ZNF407: variants seen among roughly 807,000 people sequenced by gnomAD.
The protein encoded by ZNF407 is zinc finger protein 407.
ZNF407 carries 17 observed loss-of-function variants against 131.2 expected under a neutral mutation model. The observed-to-expected ratio is 0.13, with a 90% CI of 0.09 to 0.19. The LOEUF (loss-of-function observed/expected upper bound fraction) is 0.19. Ranked by LOEUF, ZNF407 falls within the 10% of genes least tolerant of loss-of-function variation. ZNF407 has a pLI of 1.00. For synonymous variants in ZNF407, 1,156 were observed against 1,062.0 expected, an observed-to-expected ratio of 1.09 and a Z score of -1.72; for missense variants, 2,681 against 2,830.6, an observed-to-expected ratio of 0.95 and a Z score of 1.20.
At position 74,705,238 on chromosome 18, in the gene ZNF407, C is replaced by T. The variant is rs543147938; in HGVS notation, c.4802+64116C>T. Among the ~76,000 whole-genome samples the T allele has an allele frequency of 5.3e-5, 8 of 151,360 alleles. No individual in the cohort carries two copies. The East Asian group carries it at 1.6e-3, about 29-fold the overall frequency. On this transcript the variant is annotated intron_variant, in intron 3 of 8. Transcript: ENST00000299687. Reference sequence around the variant, plus strand: ...AAGGTAGGTAGATTTCACTTTTTGTCTGCTTCTACTTGTTGAGGTGACTGA... The same window carrying T: ...AAGGTAGGTAGATTTCACTTTTTGTTTGCTTCTACTTGTTGAGGTGACTGA...
chr18:74,807,043 A>G (rs1970120433), intron 4 of ZNF407, among the ~76,000 whole-genome samples: 1 of 152,240 alleles, frequency 6.6e-6, no homozygotes, highest in Admixed American at 6.5e-5. Context: ...TTCAGAAAGC[A>G]GTAGATGCCA....
chr18:75,020,097 C>T (rs1353710416), intron 8 of ZNF407, among the ~76,000 whole-genome samples: 1 of 152,152 alleles, frequency 6.6e-6, no homozygotes, highest in Non-Finnish European at 1.5e-5. Flanking sequence ...ACTTATTTTA[C>T]TTCGTAATAG....
chr18:74,698,391 G>T (rs1942022002), intron 3 of ZNF407, among the ~76,000 whole-genome samples: 1 of 152,160 alleles, frequency 6.6e-6, no homozygotes, highest in African/African-American at 2.4e-5. Flanking sequence ...CTCACCTGAT[G>T]GTTCATACCG....
At chr18:74,672,967 T>C (rs1986211372) in intron 3 of ZNF407, among the ~76,000 whole-genome samples, 1 of 152,208 alleles carries the variant, frequency 6.6e-6, no homozygotes, top group Non-Finnish European at 1.5e-5. Context: ...TCCTAATATG[T>C]GTTACTGACT....
chr18:74,941,960 T>C (rs1373235254), intron 8 of ZNF407, among the ~76,000 whole-genome samples: 1 of 152,138 alleles, frequency 6.6e-6, no homozygotes, highest in Non-Finnish European at 1.5e-5. Flanking sequence ...TAGAATAAAA[T>C]CGGTTAGACT....
intron 4 of ZNF407, among the ~76,000 whole-genome samples, chr18:74,821,405 T>A (rs1220077344): frequency 6.6e-6 from 1 of 152,084 alleles, no homozygotes; most frequent in Admixed American, 6.5e-5. Flanking sequence ...TTTCTCCTAA[T>A]GCTATCCCTC....
Position 74,780,021 on chromosome 18 carries a change from G to A in ZNF407, c.4803-1407G>A, listed in dbSNP as rs986073122. Among the ~76,000 whole-genome samples, 6 of 11,944 alleles carry A rather than the reference G, an allele frequency of 5.0e-4. No homozygotes were observed. In the Non-Finnish European group the frequency reaches 5.8e-3, roughly 12 times the overall value. 7.8% of individuals were successfully genotyped at this position (11,944 alleles called of 152,430 possible). On this transcript the variant is annotated intron_variant, in intron 3 of 8. Transcript: ENST00000299687. Reference sequence around the variant, plus strand: ...AAGCAGAAACAAATACAGAATTTTTGTACTTTTTTTTGCTCAGCATTTAAT... The same window carrying A: ...AAGCAGAAACAAATACAGAATTTTTATACTTTTTTTTGCTCAGCATTTAAT...
chr18:74,778,075 C>G (rs569348934), intron 3 of ZNF407, among the ~76,000 whole-genome samples: 2 of 152,288 alleles, frequency 1.3e-5, no homozygotes, highest in Non-Finnish European at 2.9e-5. Flanking sequence ...TTGGACAAGT[C>G]ACTCCTCTGT....
chr18:75,043,276 AG>A (rs1175249011), intron 8 of ZNF407, among the ~76,000 whole-genome samples: 3 of 152,172 alleles, frequency 2.0e-5, no homozygotes, highest in Non-Finnish European at 4.4e-5. Flanking sequence ...GATGATACCA[AG>A]CATCTTTTCA....
chr18:74,676,637 T>C (rs865919356), intron 3 of ZNF407, among the ~76,000 whole-genome samples: 16 of 152,050 alleles, frequency 1.1e-4, no homozygotes, highest in South Asian at 8.3e-4. Flanking sequence ...GGTTTCACCG[T>C]GTTAGCCAGG....
intron 3 of ZNF407, among the ~76,000 whole-genome samples, chr18:74,737,950 G>T (rs944845012): frequency 1.1e-4 from 16 of 152,200 alleles, no homozygotes; most frequent in South Asian, 2.1e-4. Flanking sequence ...TCTAAAACAT[G>T]AAGTTTATTT....
intron 8 of ZNF407, among the ~76,000 whole-genome samples, chr18:75,033,900 T>C (rs1307536496): frequency 1.3e-5 from 2 of 152,206 alleles, no homozygotes; most frequent in African/African-American, 4.8e-5. Context: ...CTCTGAAAAA[T>C]AATCGCATTA....
chr18:74,758,279 T>G (rs1333861813), intron 3 of ZNF407, among the ~76,000 whole-genome samples: 1 of 152,162 alleles, frequency 6.6e-6, no homozygotes, highest in Non-Finnish European at 1.5e-5. Context: ...TTTTACTTCC[T>G]TATTCAGTTC....
intron 7 of ZNF407, among the ~76,000 whole-genome samples, chr18:74,890,838 G>T (rs904248948): frequency 2.0e-5 from 3 of 152,194 alleles, no homozygotes; most frequent in Non-Finnish European, 4.4e-5. Context: ...CAGCCGTGGC[G>T]TAAAAAATGG....
chr18:74,965,406 G>T (rs1972398620), intron 8 of ZNF407, among the ~76,000 whole-genome samples: 1 of 151,984 alleles, frequency 6.6e-6, no homozygotes, highest in African/African-American at 2.4e-5. Flanking sequence ...AACATGTGAT[G>T]TTCTCATTTA....
At chr18:74,786,591 A>G (rs189604250) in intron 4 of ZNF407, among the ~76,000 whole-genome samples, 41 of 152,062 alleles carry the variant, frequency 2.7e-4, no homozygotes, top group African/African-American at 9.4e-4. Context: ...GGAGGAAAAC[A>G]TGTCAGTTCT....
rs534298463 is a variant in ZNF407, at chr18:74,719,695, A to C, written c.4803-61733A>C. Reference sequence around the variant, plus strand: ...TGGGATTACGGGCGTGAGCCACTGCACTCAGCCCTACTTTTTACTTCTATG... The same window carrying C: ...TGGGATTACGGGCGTGAGCCACTGCCCTCAGCCCTACTTTTTACTTCTATG... On this transcript the variant is annotated intron_variant, in intron 3 of 8. Coordinates refer to ENST00000299687, the MANE Select transcript of ZNF407 (RefSeq NM_017757.3). 3.4e-4 allele frequency among the ~76,000 whole-genome samples: 51 copies of C among 152,220 alleles called. 1 individual carries two copies. Among genetic ancestry groups the C allele is most frequent in the Admixed American group, 1.6e-3 (24 of 15,290 alleles).
chr18:74,613,906 A>G (rs1302213178), intron 1 of ZNF407, among the ~76,000 whole-genome samples: 3 of 152,226 alleles, frequency 2.0e-5, no homozygotes, highest in African/African-American at 4.8e-5. Flanking sequence ...CAGTCTAACC[A>G]TCAAATGTAA....
intron 7 of ZNF407, among the ~76,000 whole-genome samples, chr18:74,897,819 C>T (rs1224050035): frequency 6.6e-6 from 1 of 152,132 alleles, no homozygotes; most frequent in Non-Finnish European, 1.5e-5. Context: ...CCTATGCATC[C>T]CTACAGTGTG....
Sources: allele counts gnomAD v4.1 joint callset (sites outside exome capture counted in the v4.1 genomes callset), GRCh38; gene constraint gnomAD v4.1.1; transcripts MANE v1.5; gene names NCBI Gene and HGNC (gene_info 2026-07-23, HGNC 2026-07-21).